Variants in CEP85L observed in about 807,000 individuals in gnomAD.
The protein encoded by CEP85L is centrosomal protein 85L.
In CEP85L, 60 loss-of-function variants were observed where a neutral mutation model predicts 100.3. That is an observed-to-expected ratio of 0.60 (90% CI 0.49 to 0.74). The LOEUF (loss-of-function observed/expected upper bound fraction) is 0.74, where lower values mean the gene tolerates loss of function less well. Ranked by LOEUF, CEP85L falls within the 30% of genes least tolerant of loss-of-function variation. CEP85L has a pLI of 0.00. For synonymous variants in CEP85L, 319 were observed against 322.7 expected (o/e 0.99, Z 0.12); for missense variants, 973 against 936.2 (o/e 1.04, Z -0.51).
intron 1 of CEP85L, among the ~76,000 whole-genome samples, chr6:118,706,901 G>T (rs1777609354): frequency 6.6e-6 from 1 of 152,094 alleles, no homozygotes; most frequent in Admixed American, 6.6e-5. Flanking sequence ...TTCCCTATTA[G>T]TGTCCTCTTC....
chr6:118,542,900 C>CCA (rs1290869010), intron 3 of CEP85L, among the ~76,000 whole-genome samples: 1 of 67,136 alleles, frequency 1.5e-5, no homozygotes, highest in Admixed American at 1.8e-4. Context: ...CAAGTTTTCC[C>CCA]AAAAAAAAAA....
At chr6:118,672,469 C>A (rs11756438) in intron 1 of CEP85L, among the ~76,000 whole-genome samples, 62,888 of 151,784 alleles carry the variant, frequency 0.41, 13,262 homozygotes, top group Middle Eastern at 0.51. Flanking sequence ...ATACTTGAAT[C>A]TTTAAGATGC....
chr6:118,537,381 G>T, intron 3 of CEP85L: 1 of 265,316 alleles, frequency 3.8e-6, no homozygotes. Context: ...ATATTTAGTA[G>T]CTGCCAAACT....
chr6:118,504,783 G>A (rs1439842729), intron 5 of CEP85L, among the ~76,000 whole-genome samples: 1 of 152,058 alleles, frequency 6.6e-6, no homozygotes, highest in Admixed American at 6.5e-5. Flanking sequence ...GGGTTCTGAC[G>A]CTATCTCTAC....
chr6:118,530,087 T>C (rs1027580974), intron 3 of CEP85L, among the ~76,000 whole-genome samples: 1 of 151,960 alleles, frequency 6.6e-6, no homozygotes, highest in South Asian at 2.1e-4. Flanking sequence ...AAGATAAAAG[T>C]TACCACGAAG....
In CEP85L at chr6:118,566,032, T is replaced by A. The variant is rs1265512316; in HGVS notation, c.517A>T (p.Thr173Ser). 1.2e-6 allele frequency: 2 copies of A among 1,614,098 alleles called. No individual in the cohort carries two copies. Among genetic ancestry groups the A allele is most frequent in the Non-Finnish European group, 1.7e-6 (2 of 1,180,048 alleles). Residue 173 changes from threonine to serine, a missense_variant, in exon 3 of 13, where the codon ACT becomes TCT. By Grantham distance (58) the Thr-to-Ser change is moderately conservative. Around this residue, in one of 3 missense-constraint regions of CEP85L, gnomAD observed 890 missense variants for 844.5 expected, o/e 1.05. Coordinates refer to ENST00000368491, the MANE Select transcript of CEP85L (RefSeq NM_001042475.3). ...TTCCTTGACTCTTCTCTGCATACAG[T>A]GCCACCCTGGCCACAGTTATCCGGG... ...TAPDNCGQGG[T>S]VCREESRNGL... is the part of the protein sequence containing the mutation.
chr6:118,614,922 A>G (rs1259998103), intron 2 of CEP85L, among the ~76,000 whole-genome samples: 1 of 151,888 alleles, frequency 6.6e-6, no homozygotes, highest in African/African-American at 2.4e-5. Flanking sequence ...TTTTAAAAGC[A>G]AATGTATTTC....
chr6:118,566,563 G>A (rs1026879363), intron 2 of CEP85L, among the ~76,000 whole-genome samples: 1 of 151,912 alleles, frequency 6.6e-6, no homozygotes, highest in Non-Finnish European at 1.5e-5. Context: ...GATTCCAGGC[G>A]CCTGCCAGCA....
Position 118,473,771 on chromosome 6 carries a change from C to T in CEP85L, c.1915-3127G>A, listed in dbSNP as rs573519034. On this transcript the variant is annotated intron_variant, in intron 10 of 12. Coordinates refer to ENST00000368491, the MANE Select transcript of CEP85L (RefSeq NM_001042475.3). Reference sequence around the variant, plus strand: ...CAAGGAGAAGAGGTCAGATTCTAGACATACTTTCAAGGTAGTAGAATTTGC... The same window carrying T: ...CAAGGAGAAGAGGTCAGATTCTAGATATACTTTCAAGGTAGTAGAATTTGC... Among the ~76,000 whole-genome samples the T allele has an allele frequency of 2.6e-5, 4 of 152,152 alleles. No homozygotes were observed. The East Asian group carries it at 5.8e-4, about 22-fold the overall frequency.
intron 2 of CEP85L, among the ~76,000 whole-genome samples, chr6:118,612,660 CA>C (rs56271635): frequency 0.4 from 18,092 of 45,026 alleles, 2,142 homozygotes; most frequent in Admixed American, 0.5. Flanking sequence ...GACTCTGTCT[CA>C]AAAAAAAAAA....
intron 3 of CEP85L, among the ~76,000 whole-genome samples, chr6:118,551,374 T>C (rs1778534165): frequency 7.9e-6 from 1 of 125,798 alleles, no homozygotes; most frequent in Non-Finnish European, 1.8e-5. Flanking sequence ...ATAGGGGGTA[T>C]ATTTATTAAG....
At position 118,536,121 on chromosome 6, in the gene CEP85L, ATAAT is replaced by A. The variant is rs559293507; in HGVS notation, c.1021-12205_1021-12202del. Among the ~76,000 whole-genome samples, 661 of 152,334 alleles carry A rather than the reference ATAAT, an allele frequency of 4.3e-3. 8 individuals carry two copies. Among genetic ancestry groups the A allele is most frequent in the African/African-American group, 0.015 (640 of 41,588 alleles). On this transcript the variant is annotated intron_variant, in intron 3 of 12. Transcript: ENST00000368491. Reference sequence around the variant, plus strand: ...CCCAAATGTGTTAACAAAGGAATAGATAATTAATGGTGGTAGAAGTATACACTAG... The same window carrying A: ...CCCAAATGTGTTAACAAAGGAATAGATAATGGTGGTAGAAGTATACACTAG...
At chr6:118,691,077 C>G (rs1424829077) in intron 1 of CEP85L, among the ~76,000 whole-genome samples, 2 of 151,840 alleles carry the variant, frequency 1.3e-5, no homozygotes, top group African/African-American at 4.8e-5. Flanking sequence ...AAAAAAGAGA[C>G]TGAAAAAGAG....
At chr6:118,621,028 G>C (rs778680241) in intron 2 of CEP85L, among the ~76,000 whole-genome samples, 3 of 152,078 alleles carry the variant, frequency 2.0e-5, no homozygotes, top group Non-Finnish European at 4.4e-5. Context: ...AGGACAATTC[G>C]GTAGGGCAAA....
intron 6 of CEP85L, among the ~76,000 whole-genome samples, chr6:118,487,773 C>T (rs1774285390): frequency 6.6e-6 from 1 of 152,158 alleles, no homozygotes; most frequent in African/African-American, 2.4e-5. Context: ...CCGGTGAGAT[C>T]AGAGATGATG....
chr6:118,558,955 A>G lies in CEP85L; in HGVS notation c.1020+6574T>C, dbSNP rs749571694. 40 of 1,613,496 alleles carry G rather than the reference A, an allele frequency of 2.5e-5. No individual in the cohort carries two copies. Among genetic ancestry groups the G allele is most frequent in the Middle Eastern group, 1.6e-4 (1 of 6,082 alleles). On this transcript the variant is annotated intron_variant, in intron 3 of 12. Transcript: ENST00000368491. ...AGTCCAATACCTCACTCGCTCAGCT[A>G]TAAGAAGAGCCTCAACCATTGAAAT... is the stretch of plus-strand genomic sequence containing the variant.
At chr6:118,512,464 C>T (rs1217570794) in intron 4 of CEP85L, among the ~76,000 whole-genome samples, 1 of 152,186 alleles carries the variant, frequency 6.6e-6, no homozygotes, top group African/African-American at 2.4e-5. Context: ...CCCAGGGCAT[C>T]AGCAATTCTC....
At chr6:118,625,439 T>C (rs1282517563) in intron 2 of CEP85L, among the ~76,000 whole-genome samples, 2 of 152,222 alleles carry the variant, frequency 1.3e-5, no homozygotes, top group African/African-American at 4.8e-5. Flanking sequence ...GGGACAGGAA[T>C]TGGAGGTATA....
At chr6:118,529,381 G>A (rs1490452048) in intron 3 of CEP85L, among the ~76,000 whole-genome samples, 1 of 152,060 alleles carries the variant, frequency 6.6e-6, no homozygotes, top group Non-Finnish European at 1.5e-5. Context: ...GCCAAGGTGG[G>A]TGGATCACAA....
Sources: gnomAD v4.1 joint callset for allele counts (sites outside exome capture counted in the v4.1 genomes callset) on GRCh38, gnomAD v4.1.1 for gene constraint, gnomAD v4.1.1 regional missense constraint, MANE v1.5 for transcripts, NCBI Gene and HGNC (gene_info 2026-07-23, HGNC 2026-07-21) for gene names.